Variants in PRH1 observed in about 807,000 individuals in gnomAD.
The protein encoded by PRH1 is salivary acidic proline-rich phosphoprotein 1/2.
PRH1 carries 7 observed loss-of-function variants against 7.9 expected under a neutral mutation model. The ratio of observed to expected loss-of-function variants is 0.89; its 90% confidence interval spans 0.50 to 1.67. The LOEUF (loss-of-function observed/expected upper bound fraction) is 1.67. Ranked by LOEUF, PRH1 falls within the 40% of genes most tolerant of loss-of-function variation. The probability of loss-of-function intolerance (pLI) is 0.00; values close to 1 mark genes in which losing one functional copy is unlikely to be tolerated. For missense variants in PRH1, 109 were observed against 223.6 expected (o/e 0.49, Z 3.27); for synonymous variants, 45 against 80.8 (o/e 0.56, Z 2.38).
Position 11,020,363 on chromosome 12 carries a change from G to GATATATATATATATATATATATATAT in PRH1, c.-126+26631_-126+26656dup, listed in dbSNP as rs71051554. Among the ~76,000 whole-genome samples, 71 of 87,524 alleles carry GATATATATATATATATATATATATAT rather than the reference G, an allele frequency of 8.1e-4. 1 individual carries two copies. The highest frequency in any genetic ancestry group is 1.3e-3 in the South Asian group (2 of 1,538). 57.4% of individuals were successfully genotyped at this position (87,524 alleles called of 152,430 possible). ...GTACTAGGGAGGACGTATGATAAGC[G>GATATATATATATATATATATATATAT]ATATATATATATATATATATATATA... On this transcript the variant is annotated intron_variant, in intron 1 of 3. Transcript: ENST00000539853.
chr12:11,068,485 C>T (rs1447982992), intron 1 of PRH1, among the ~76,000 whole-genome samples: 2 of 152,244 alleles, frequency 1.3e-5, no homozygotes, highest in African/African-American at 4.8e-5. Flanking sequence ...TATAGTATTC[C>T]ATTGTATAAG....
chr12:11,030,493 C>T (rs139069360), intron 1 of PRH1: 11 of 1,614,108 alleles, frequency 6.8e-6, no homozygotes, highest in South Asian at 1.1e-5. Context: ...TCTTGTTTCC[C>T]CAAATCAGGA....
intron 1 of PRH1, chr12:10,986,013 G>C (rs1939597581): frequency 6.2e-7 from 1 of 1,613,740 alleles, no homozygotes; most frequent in African/African-American, 1.3e-5. Context: ...TAGCTTCTTG[G>C]TTCTCCAAAT....
chr12:11,162,789 C>T (rs145189759), intron 1 of PRH1, among the ~76,000 whole-genome samples: 52 of 152,240 alleles, frequency 3.4e-4, no homozygotes, highest in Non-Finnish European at 6.0e-4. Context: ...ACAGCCTCAC[C>T]CCAAACACAC....
At chr12:11,017,923 TTAA>T in intron 1 of PRH1, among the ~76,000 whole-genome samples, 1 of 152,136 alleles carries the variant, frequency 6.6e-6, no homozygotes, top group East Asian at 1.9e-4. Context: ...CTCTGATGTG[TTAA>T]TAAAGTCCTT....
chr12:10,961,351 GC>G (rs1046311552), intron 2 of PRH1, among the ~76,000 whole-genome samples: 4 of 150,928 alleles, frequency 2.7e-5, no homozygotes, highest in Non-Finnish European at 5.9e-5. Flanking sequence ...TCAGAAGATG[GC>G]AGCATCCCCC....
intron 1 of PRH1, among the ~76,000 whole-genome samples, chr12:11,104,316 A>G (rs1469097816): frequency 6.9e-6 from 1 of 143,938 alleles, no homozygotes; most frequent in Non-Finnish European, 1.5e-5. Flanking sequence ...TCATATGATG[A>G]TCACTCATAT....
chr12:10,988,897 C>G (rs1474372115), intron 1 of PRH1, among the ~76,000 whole-genome samples: 4 of 152,126 alleles, frequency 2.6e-5, no homozygotes, highest in African/African-American at 2.4e-5. Context: ...ACCTCCACCT[C>G]CCGGGTTCAA....
intron 1 of PRH1, among the ~76,000 whole-genome samples, chr12:11,016,590 C>T (rs1941306431): frequency 6.6e-6 from 1 of 152,188 alleles, no homozygotes; most frequent in Non-Finnish European, 1.5e-5. Flanking sequence ...ATATTCCCAC[C>T]TCCGCCTCCA....
intron 1 of PRH1, among the ~76,000 whole-genome samples, chr12:11,067,965 A>C (rs1943898336): frequency 1.3e-5 from 2 of 152,212 alleles, no homozygotes; most frequent in African/African-American, 4.8e-5. Context: ...GGTATCTATA[A>C]GAATATGCTG....
At chr12:11,012,483 T>C (rs764857491) in intron 1 of PRH1, among the ~76,000 whole-genome samples, 7 of 152,182 alleles carry the variant, frequency 4.6e-5, no homozygotes, top group Admixed American at 4.6e-4. Context: ...ACATGTTCAG[T>C]GCAGGCAGGA....
At position 11,079,873 on chromosome 12, in the gene PRH1, T is replaced by A. The variant is rs1384987884; in HGVS notation, n.124-32685A>T. On this transcript the variant is annotated intron_variant and non_coding_transcript_variant, in intron 1 of 4. Coordinates refer to the PRH1 transcript ENST00000541977. ...ATAGTGAATTTTTCCCTTCGGTATATAATGAGCAGAGTAATAATAATTTTC... is the reference window on the plus strand; with the variant it reads ...ATAGTGAATTTTTCCCTTCGGTATAAAATGAGCAGAGTAATAATAATTTTC... 1.7e-5 allele frequency among the ~76,000 whole-genome samples: 2 copies of A among 117,420 alleles called. 1 individual carries two copies. Among genetic ancestry groups the A allele is most frequent in the African/African-American group, 5.7e-5 (2 of 35,062 alleles). The allele number at this position is 117,420 out of a possible 152,430, so 77.0% of individuals were successfully genotyped here.
In PRH1 at chr12:11,047,164, G is replaced by A. The variant is rs2708321; in HGVS notation, c.-270C>T. ...GCCTTCTTGTCACATGTGCCCTTGG[G>A]GCCTTGAGCCAAATGCTGGAGAACC... On this transcript the variant is annotated 5_prime_UTR_variant, in exon 1 of 4. Transcript: ENST00000539853. The A allele has an allele frequency of 2.0e-3, 832 of 408,754 alleles. 7 individuals are homozygous for A. Among genetic ancestry groups the A allele is most frequent in the African/African-American group, 0.016 (776 of 48,748 alleles). 25.3% of individuals were successfully genotyped at this position (408,754 alleles called of 1,614,324 possible).
chr12:11,136,548 G>A (rs994272970), intron 1 of PRH1, among the ~76,000 whole-genome samples: 1 of 151,820 alleles, frequency 6.6e-6, no homozygotes, highest in African/African-American at 2.4e-5. Flanking sequence ...ACTACTTCAA[G>A]TAAATTTACT....
intron 1 of PRH1, among the ~76,000 whole-genome samples, chr12:11,160,025 G>A (rs1386271382): frequency 6.6e-6 from 1 of 152,046 alleles, no homozygotes; most frequent in Admixed American, 6.5e-5. Flanking sequence ...TCCATTCATG[G>A]TAATGACTAA....
chr12:11,131,993 T>G (rs1054126901), intron 1 of PRH1, among the ~76,000 whole-genome samples: 1 of 152,222 alleles, frequency 6.6e-6, no homozygotes, highest in South Asian at 2.1e-4. Context: ...TCTTTTATGG[T>G]TCTTACATTG....
intron 1 of PRH1, among the ~76,000 whole-genome samples, chr12:11,083,349 AAT>A (rs1491436759): frequency 8.4e-6 from 1 of 119,108 alleles, no homozygotes; most frequent in Non-Finnish European, 2.0e-5. Context: ...TCCTTTTTTA[AAT>A]TAAAGAAAAG....
At chr12:11,128,117 A>AAAAAAAAG in intron 1 of PRH1, among the ~76,000 whole-genome samples, 1 of 151,388 alleles carries the variant, frequency 6.6e-6, no homozygotes, top group South Asian at 2.1e-4. Context: ...TCTCAAAAAA[A>AAAAAAAAG]AAAAAAAGAA....
chr12:11,086,172 T>C (rs1222363067), intron 1 of PRH1, among the ~76,000 whole-genome samples: 1 of 117,040 alleles, frequency 8.5e-6, no homozygotes, highest in Non-Finnish European at 1.9e-5. Flanking sequence ...AAATGAAAAA[T>C]TAATTTTCTT....
Sources: allele counts gnomAD v4.1 joint callset (sites outside exome capture counted in the v4.1 genomes callset), GRCh38; gene constraint gnomAD v4.1.1; transcripts MANE v1.5; gene names NCBI Gene and HGNC (gene_info 2026-07-23, HGNC 2026-07-21).